The following EEF1AKMT1 variants were observed in gnomAD, a reference collection of about 807,000 sequenced individuals.
The protein encoded by EEF1AKMT1 is EEF1A lysine methyltransferase 1.
In EEF1AKMT1, 18 loss-of-function variants were observed where a neutral mutation model predicts 21.0. That is an observed-to-expected ratio of 0.86 (90% CI 0.59 to 1.27). The LOEUF is 1.27. EEF1AKMT1 is among the 50% of genes most tolerant of loss of function. The pLI is 0.00. For synonymous variants in EEF1AKMT1, 109 were observed against 94.8 expected (o/e 1.15, Z -0.87); for missense variants, 246 against 258.6 (o/e 0.95, Z 0.33).
intron 4 of EEF1AKMT1, among the ~76,000 whole-genome samples, chr13:20,731,308 A>C (rs1463330385): frequency 1.3e-5 from 2 of 152,192 alleles, no homozygotes; most frequent in African/African-American, 4.8e-5. Context: ...TATCTGCCTT[A>C]AGTGTATCAA....
chr13:20,738,154 C>T (rs2058837080), intron 2 of EEF1AKMT1, among the ~76,000 whole-genome samples: 1 of 152,140 alleles, frequency 6.6e-6, no homozygotes, highest in African/African-American at 2.4e-5. Flanking sequence ...TCTGATTAAG[C>T]TTCTAGGTTC....
intron 1 of EEF1AKMT1, chr13:20,769,039 G>C (rs2059050259): frequency 1.3e-5 from 2 of 152,136 alleles, no homozygotes; most frequent in Admixed American, 1.3e-4. Flanking sequence ...GATCTAGGTG[G>C]GGATGTCCCC....
chr13:20,731,671 G>T (rs1242895450), intron 4 of EEF1AKMT1, among the ~76,000 whole-genome samples, 170 bp downstream of exon 4: 1 of 152,120 alleles, frequency 6.6e-6, no homozygotes, highest in Non-Finnish European at 1.5e-5. Context: ...ACCCTTAATG[G>T]CAGAGTATTA....
intron 2 of EEF1AKMT1, among the ~76,000 whole-genome samples, chr13:20,756,172 C>G (rs919670828): frequency 4.6e-5 from 7 of 152,092 alleles, no homozygotes; most frequent in Non-Finnish European, 1.0e-4. Context: ...GATAAGCATA[C>G]AGAAGCTTCC....
chr13:20,764,716 G>A (rs1007526359), intron 1 of EEF1AKMT1, among the ~76,000 whole-genome samples: 3 of 151,936 alleles, frequency 2.0e-5, no homozygotes, highest in African/African-American at 7.3e-5. Flanking sequence ...TAGAACTGTT[G>A]TTTGTTCTTG....
chr13:20,733,763 C>A (rs1249535782), intron 3 of EEF1AKMT1, among the ~76,000 whole-genome samples: 1 of 152,154 alleles, frequency 6.6e-6, no homozygotes, highest in East Asian at 1.9e-4. Context: ...AAGAGAGTGA[C>A]CTTTTCTCAC....
chr13:20,767,472 T>C (rs967854395), intron 1 of EEF1AKMT1, among the ~76,000 whole-genome samples: 14 of 152,052 alleles, frequency 9.2e-5, no homozygotes, highest in Admixed American at 5.9e-4. Context: ...GAATTTGAGG[T>C]TGACAAGTTT....
intron 1 of EEF1AKMT1, among the ~76,000 whole-genome samples, chr13:20,759,255 C>T (rs1242297056): frequency 6.6e-6 from 1 of 152,150 alleles, no homozygotes; most frequent in Non-Finnish European, 1.5e-5. Flanking sequence ...AACTATGCAT[C>T]CAACAAAGGA....
chr13:20,759,534 G>C (rs1425702607), intron 1 of EEF1AKMT1, among the ~76,000 whole-genome samples: 1 of 150,970 alleles, frequency 6.6e-6, no homozygotes, highest in Non-Finnish European at 1.5e-5. Context: ...AAGCCGAGAT[G>C]GCGCTACTGC....
At chr13:20,741,188 GCCATCCTTTAATTA>G (rs1057497290) in intron 2 of EEF1AKMT1, among the ~76,000 whole-genome samples, 3 of 151,572 alleles carry the variant, frequency 2.0e-5, no homozygotes. Context: ...ATGCCAGCAG[GCCATCCTTTAATTA>G]CTCAAGCAGA....
intron 2 of EEF1AKMT1, 78 bp from the exon 3 acceptor site, chr13:20,737,883 C>T (rs1187819549): frequency 5.5e-6 from 5 of 905,042 alleles, no homozygotes; most frequent in African/African-American, 1.7e-5. Flanking sequence ...TAATCTATAC[C>T]AGTGGACAGA....
At chr13:20,739,620 CAG>C (rs1186102123) in intron 2 of EEF1AKMT1, among the ~76,000 whole-genome samples, 1 of 152,112 alleles carries the variant, frequency 6.6e-6, no homozygotes, top group Non-Finnish European at 1.5e-5. Context: ...TAGCTAGACA[CAG>C]AGCACTGATT....
intron 2 of EEF1AKMT1, among the ~76,000 whole-genome samples, chr13:20,756,520 G>A (rs1474161509): frequency 6.6e-6 from 1 of 152,168 alleles, no homozygotes; most frequent in Non-Finnish European, 1.5e-5. Flanking sequence ...CATAAAAACC[G>A]GTGGGGTGTA....
chr13:20,768,644 ATTC>A (rs1459982574), intron 1 of EEF1AKMT1, among the ~76,000 whole-genome samples: 2 of 151,998 alleles, frequency 1.3e-5, no homozygotes, highest in Non-Finnish European at 2.9e-5. Context: ...GCCCAAGACA[ATTC>A]TTCTTCCAAT....
intron 1 of EEF1AKMT1, among the ~76,000 whole-genome samples, chr13:20,771,790 CACCTTAGGTAAA>C (rs2059063814): frequency 6.6e-6 from 1 of 152,154 alleles, no homozygotes; most frequent in African/African-American, 2.4e-5. Context: ...GCGGGCAGAT[CACCTTAGGTAAA>C]GAATTCGGGA....
At chr13:20,766,221 C>T (rs2059030673) in intron 1 of EEF1AKMT1, among the ~76,000 whole-genome samples, 1 of 146,832 alleles carries the variant, frequency 6.8e-6, no homozygotes, top group Non-Finnish European at 1.5e-5. Context: ...ATCACTTGAA[C>T]CTGGGAGGAG....
At chr13:20,763,283 AC>A (rs1307554018) in intron 1 of EEF1AKMT1, among the ~76,000 whole-genome samples, 1 of 151,494 alleles carries the variant, frequency 6.6e-6, no homozygotes, top group African/African-American at 2.4e-5. Flanking sequence ...TTGACACACC[AC>A]CCCCCTCCCA....
At chr13:20,760,123 A>AAAAT (rs1555327133) in intron 1 of EEF1AKMT1, among the ~76,000 whole-genome samples, 2 of 127,468 alleles carry the variant, frequency 1.6e-5, no homozygotes, top group African/African-American at 6.0e-5. Context: ...AAAAAAAAAA[A>AAAAT]AAGTCAAAAA....
chr13:20,760,123 A>AAAAAAAAAAAAG (rs1555327133), intron 1 of EEF1AKMT1, among the ~76,000 whole-genome samples: 1 of 127,466 alleles, frequency 7.8e-6, no homozygotes, highest in Non-Finnish European at 1.6e-5. Context: ...AAAAAAAAAA[A>AAAAAAAAAAAAG]AAGTCAAAAA....
Sources: gnomAD v4.1 joint callset for allele counts (sites outside exome capture counted in the v4.1 genomes callset) on GRCh38, gnomAD v4.1.1 for gene constraint, MANE v1.5 for transcripts, NCBI Gene and HGNC (gene_info 2026-07-23, HGNC 2026-07-21) for gene names.